The following RAB27A variants were observed in gnomAD, a reference collection of about 807,000 sequenced individuals.
RAB27A encodes ras-related protein Rab-27A.
Under a neutral mutation model 20.8 loss-of-function variants are expected in RAB27A, and 17 were observed. The observed-to-expected ratio is 0.82, with a 90% confidence interval of 0.56 to 1.23. The LOEUF (loss-of-function observed/expected upper bound fraction) is 1.23, where lower values mean the gene tolerates loss of function less well. RAB27A is among the 50% of genes most tolerant of loss of function. The pLI, the probability that RAB27A is intolerant of heterozygous loss-of-function variation, is 0.00. For missense variants in RAB27A, 277 were observed against 266.7 expected (o/e 1.04, Z -0.27); for synonymous variants, 85 against 92.8 (o/e 0.92, Z 0.48).
intron 2 of RAB27A, among the ~76,000 whole-genome samples, chr15:55,303,771 C>T (rs1595755953): frequency 7.7e-6 from 1 of 130,560 alleles, no homozygotes. Context: ...GCCAGCCGCC[C>T]CGTCCGGGAG....
intron 2 of RAB27A, among the ~76,000 whole-genome samples, chr15:55,305,292 G>T (rs375682692): frequency 6.6e-6 from 1 of 152,014 alleles, no homozygotes; most frequent in African/African-American, 2.4e-5. Context: ...ACTGGGGCAT[G>T]GTAGGGGCTG....
chr15:55,306,228 AC>A (rs1167206483), intron 2 of RAB27A, among the ~76,000 whole-genome samples: 5 of 152,192 alleles, frequency 3.3e-5, no homozygotes, highest in Admixed American at 3.3e-4. Context: ...AAGAGGTCCT[AC>A]TAAAACGGAA....
At chr15:55,222,837 C>G (rs1895636524) in intron 6 of RAB27A, among the ~76,000 whole-genome samples, 1 of 152,190 alleles carries the variant, frequency 6.6e-6, no homozygotes, top group Non-Finnish European at 1.5e-5. Context: ...CTTCCTTCCT[C>G]TTTTAATGCT....
chr15:55,303,099 C>T (rs1341173401), intron 2 of RAB27A, among the ~76,000 whole-genome samples: 3 of 139,772 alleles, frequency 2.1e-5, no homozygotes, highest in African/African-American at 8.0e-5. Flanking sequence ...GTCAGCCCCC[C>T]GCCTGGCCAG....
At chr15:55,249,709 T>G (rs952587959) in intron 2 of RAB27A, among the ~76,000 whole-genome samples, 35 of 152,234 alleles carry the variant, frequency 2.3e-4, no homozygotes. Flanking sequence ...ATATCCTTAT[T>G]TATCTTTTTG....
Position 55,297,484 on chromosome 15 carries a change from G to GGGT in RAB27A, c.-112+16552_-112+16554dup, listed in dbSNP as rs761100964. Among the ~76,000 whole-genome samples, 8 of 152,304 alleles carry GGGT rather than the reference G, an allele frequency of 5.3e-5. No individual in the cohort carries two copies. In the East Asian group the frequency reaches 9.7e-4, roughly 18 times the overall value. ...TAACTGCAACTTTCATAGCACCATG[G>GGGT]GGTGATCAAGAAGGCAGCTGTCCCC... On this transcript the variant is annotated intron_variant, in intron 2 of 5. Transcript: ENST00000563262.
chr15:55,265,354 T>C (rs538817831), intron 2 of RAB27A, among the ~76,000 whole-genome samples: 2 of 152,020 alleles, frequency 1.3e-5, no homozygotes, highest in Admixed American at 1.3e-4. Flanking sequence ...CCACAATGTC[T>C]AAGGAGGGAA....
intron 6 of RAB27A, among the ~76,000 whole-genome samples, chr15:55,215,075 G>C (rs1895215962): frequency 6.6e-6 from 1 of 152,062 alleles, no homozygotes; most frequent in African/African-American, 2.4e-5. Flanking sequence ...TCCCGCAACA[G>C]AATAAATTGG....
At chr15:55,226,509 T>TTGTGTGTGTG (rs36074324) in intron 5 of RAB27A, among the ~76,000 whole-genome samples, 1 of 148,758 alleles carries the variant, frequency 6.7e-6, no homozygotes, top group Admixed American at 6.7e-5. Context: ...TTTTATGTAT[T>TTGTGTGTGTG]TGTGTGTGTG....
intron 2 of RAB27A, among the ~76,000 whole-genome samples, chr15:55,301,647 T>C (rs1408806586): frequency 1.5e-5 from 2 of 129,926 alleles, no homozygotes; most frequent in Non-Finnish European, 1.6e-5. Context: ...CTAAAAATCT[T>C]TTTTTTTTTT....
chr15:55,280,710 A>T (rs774644929), intron 1 of RAB27A, among the ~76,000 whole-genome samples: 28 of 149,650 alleles, frequency 1.9e-4, no homozygotes, highest in Non-Finnish European at 4.0e-4. Flanking sequence ...TCCTGTATCC[A>T]AGTGATCTCA....
intron 1 of RAB27A, among the ~76,000 whole-genome samples, chr15:55,318,136 C>T (rs1372230186): frequency 1.4e-5 from 2 of 144,978 alleles, no homozygotes; most frequent in Non-Finnish European, 1.5e-5. Context: ...CTCGCTCTGT[C>T]GCCCAGGCTG....
intron 2 of RAB27A, among the ~76,000 whole-genome samples, chr15:55,297,007 A>T (rs2054952183): frequency 6.6e-6 from 1 of 152,238 alleles, no homozygotes; most frequent in African/African-American, 2.4e-5. Flanking sequence ...GGAGTAAGCA[A>T]AAAGGATTAT....
chr15:55,298,620 G>A (rs1334665581), intron 2 of RAB27A, among the ~76,000 whole-genome samples: 2 of 152,152 alleles, frequency 1.3e-5, no homozygotes, highest in Non-Finnish European at 2.9e-5. Context: ...CAGGAGACAG[G>A]GTTTTGAGAG....
chr15:55,203,658 G>C lies in RAB27A; in HGVS notation c.*1849C>G, dbSNP rs1002316000. 6.7e-6 allele frequency: 1 copy of C among 148,398 alleles called. No individual in the cohort carries two copies. The highest frequency in any genetic ancestry group is 1.5e-5 in the Non-Finnish European group (1 of 67,508). The allele number at this position is 148,398 out of a possible 1,614,324, so 9.2% of individuals were successfully genotyped here. On this transcript the variant is annotated 3_prime_UTR_variant, in exon 7 of 7. Transcript: ENST00000336787. ...AGGATGGTCTCGATCTCCTGACCTC[G>C]TGATCCGCCCTCCTCGGCCTCCCAA... is the stretch of plus-strand genomic sequence containing the variant.
At position 55,273,019 on chromosome 15, in the gene RAB27A, G is replaced by A. The variant is rs140246910; in HGVS notation, c.-142-2735C>T. ...CCAAGAGAAGAAGAAAAGAAAGAAC[G>A]AACTACCAAATAGAAAATAATGAAC... On this transcript the variant is annotated intron_variant, in intron 1 of 6. Transcript: ENST00000336787. 2.4e-3 allele frequency among the ~76,000 whole-genome samples: 358 copies of A among 152,040 alleles called. 2 individuals are homozygous for A. Among genetic ancestry groups the A allele is most frequent in the African/African-American group, 8.3e-3 (346 of 41,454 alleles).
Position 55,204,204 on chromosome 15 carries a change from T to G in RAB27A, c.*1303A>C, listed in dbSNP as rs1383530282. 1.3e-5 allele frequency: 2 copies of G among 152,238 alleles called. No homozygotes were observed. The allele number at this position is 152,238 out of a possible 1,614,324, so 9.4% of individuals were successfully genotyped here. A position where few individuals can be genotyped will look rare whatever the true frequency, so the allele number is the denominator to read the frequency against. On this transcript the variant is annotated 3_prime_UTR_variant, in exon 7 of 7. Transcript: ENST00000336787. ...AAACCACTTTAATAAATAAGACTTT[T>G]CACCTAAATGAAATACCTTTGAATT...
At chr15:55,287,210 G>T (rs558559943) in intron 1 of RAB27A, among the ~76,000 whole-genome samples, 1 of 150,944 alleles carries the variant, frequency 6.6e-6, no homozygotes, top group Non-Finnish European at 1.5e-5. Context: ...GTGAGCCACC[G>T]CACCCGGCCT....
chr15:55,273,415 A>G (rs144903400), intron 1 of RAB27A, among the ~76,000 whole-genome samples: 1 of 151,540 alleles, frequency 6.6e-6, no homozygotes, highest in Non-Finnish European at 1.5e-5. Context: ...TCTCAAAAAA[A>G]AAAAAATAAA....
Sources: gnomAD v4.1 joint callset for allele counts (sites outside exome capture counted in the v4.1 genomes callset) on GRCh38, gnomAD v4.1.1 for gene constraint, MANE v1.5 for transcripts, NCBI Gene and HGNC (gene_info 2026-07-23, HGNC 2026-07-21) for gene names.